LRRC32: variants seen among roughly 807,000 people sequenced by gnomAD.
LRRC32 encodes the protein leucine rich repeat containing 32.
Under a neutral mutation model 15.0 loss-of-function variants are expected in LRRC32, and 5 were observed. The observed-to-expected ratio is 0.33, with a 90% confidence interval of 0.17 to 0.70. The LOEUF (loss-of-function observed/expected upper bound fraction) is 0.70. Ranked by LOEUF, LRRC32 falls within the 30% of genes least tolerant of loss-of-function variation. The probability of loss-of-function intolerance (pLI) is 0.66; values close to 1 mark genes in which losing one functional copy is unlikely to be tolerated. For synonymous variants in LRRC32, 391 were observed against 403.9 expected (o/e 0.97, Z 0.38); for missense variants, 803 against 854.2 (o/e 0.94, Z 0.75).
chr11:76,660,409 C>T lies in LRRC32; in HGVS notation c.1184G>A (p.Gly395Asp), dbSNP rs767565773. Residue 395 changes from glycine (G) to aspartate (D), a missense_variant, in exon 3 of 3, where the codon GGC (glycine) becomes GAC (aspartate). Gly to Asp is a moderately conservative substitution (Grantham distance 94, BLOSUM62 -1). Transcript: ENST00000260061. ...LGSLRTLLLQ[G>D]NALRDLPPYT... ...TGGGGGCAGGTCCCGCAGGGCATTG[C>T]CCTGTAGGAGCAGCGTCCGCAGAGA... 3 of 1,613,528 alleles carry T rather than the reference C, an allele frequency of 1.9e-6. No homozygotes were observed. Among genetic ancestry groups the T allele is most frequent in the Non-Finnish European group, 2.5e-6 (3 of 1,179,824 alleles).
At chr11:76,666,738 C>T (rs981289974) in intron 1 of LRRC32, among the ~76,000 whole-genome samples, 1 of 152,254 alleles carries the variant, frequency 6.6e-6, no homozygotes, top group African/African-American at 2.4e-5. Context: ...GCTGGAGGCT[C>T]ACTCACTCCC....
Position 76,660,828 on chromosome 11 carries a change from C to T in LRRC32, c.765G>A (p.Leu255=). The T allele has an allele frequency of 3.1e-6, 5 of 1,614,106 alleles. No homozygotes were observed. Among genetic ancestry groups the T allele is most frequent in the South Asian group, 1.1e-5 (1 of 91,062 alleles). Residue 255 remains leucine (L), a synonymous_variant, in exon 3 of 3, where the codon CTG becomes CTA. Transcript: ENST00000260061. The part of the protein sequence containing the change: ...LTWLDLRENK[L]LHFPDLAALP... ...GCGCGGCCAGGTCGGGGAAATGGAG[C>T]AGTTTGTTCTCCCGCAGGTCAAGCC...
intron 2 of LRRC32, among the ~76,000 whole-genome samples, chr11:76,664,992 T>C (rs1952601039): frequency 6.6e-6 from 1 of 152,204 alleles, no homozygotes; most frequent in Admixed American, 6.5e-5. Context: ...CATAAGCTTC[T>C]TCGAGTCTCA....
chr11:76,666,113 G>A, intron 1 of LRRC32, 155 bp from the exon 2 acceptor site: 1 of 649,876 alleles, frequency 1.5e-6, no homozygotes, highest in Non-Finnish European at 2.7e-6. Context: ...CAGAGAGCCA[G>A]GTGGGAAATG....
chr11:76,665,009 A>G (rs2120087993), intron 2 of LRRC32, among the ~76,000 whole-genome samples: 1 of 152,328 alleles, frequency 6.6e-6, no homozygotes, highest in African/African-American at 2.4e-5. Context: ...CTCAGGTCCA[A>G]GAGGGGCTTC....
At chr11:76,666,633 C>A (rs1177663023) in intron 1 of LRRC32, among the ~76,000 whole-genome samples, 2 of 152,224 alleles carry the variant, frequency 1.3e-5, no homozygotes, top group Admixed American at 1.3e-4. Context: ...TGAAGCCACA[C>A]TCCGGCCTCC....
In LRRC32 at chr11:76,660,743, G is replaced by A; in HGVS notation, c.850C>T (p.Pro284Ser). Residue 284 changes from proline (P) to serine (S), a missense_variant, in exon 3 of 3, where the codon CCC (proline) becomes TCC (serine). Physicochemically the swap from Pro to Ser is moderately conservative, Grantham distance 74. Transcript: ENST00000260061. ...GCGTGGATGCCCTTGCTGTCCTGGG[G>A]TGGCCCTGTGGGGAGCCGGATGAGG... Reference protein sequence around the residue: ...NNLIRLPTGPPQDSKGIHAPS... With the variant: ...NNLIRLPTGPSQDSKGIHAPS... The A allele has an allele frequency of 6.2e-7, 1 of 1,614,174 alleles. No homozygotes were observed. The highest frequency in any genetic ancestry group is 8.5e-7 in the Non-Finnish European group (1 of 1,180,026).
intron 1 of LRRC32, among the ~76,000 whole-genome samples, chr11:76,669,251 G>C (rs1421851634): frequency 6.6e-6 from 1 of 152,214 alleles, no homozygotes; most frequent in African/African-American, 2.4e-5. Flanking sequence ...GGTGTGCTCA[G>C]TGGGGAGGCC....
At position 76,660,806 on chromosome 11, in the gene LRRC32, C is replaced by A. The variant is rs764886655; in HGVS notation, c.787G>T (p.Ala263Ser). The A allele has an allele frequency of 3.7e-6, 6 of 1,614,080 alleles. No homozygotes were observed. Among genetic ancestry groups the A allele is most frequent in the Non-Finnish European group, 5.1e-6 (6 of 1,180,018 alleles). ...NKLLHFPDLA[A>S]LPRLIYLNLS... Reference sequence around the variant, plus strand: ...TTCAGGTAGATGAGTCTCGGGAGCGCGGCCAGGTCGGGGAAATGGAGCAGT... The same window carrying A: ...TTCAGGTAGATGAGTCTCGGGAGCGAGGCCAGGTCGGGGAAATGGAGCAGT... The change falls in exon 3 of 3, where the codon GCG becomes TCG. Residue 263 changes from alanine (A) to serine (S), a missense_variant. Ala to Ser is a moderately conservative substitution (Grantham distance 99). Transcript: ENST00000260061.
At chr11:76,670,020 T>A (rs1404987157) in intron 1 of LRRC32, 3 of 152,300 alleles carry the variant, frequency 2.0e-5, no homozygotes, top group African/African-American at 7.2e-5. Flanking sequence ...AAGCAGTGAA[T>A]CACTAAGGGC....
intron 2 of LRRC32, chr11:76,663,886 C>T (rs1177612564): frequency 1.3e-5 from 2 of 152,282 alleles, no homozygotes; most frequent in East Asian, 3.8e-4. Flanking sequence ...TATTGTACCC[C>T]TAACGAAACT....
rs528611260 is a variant in LRRC32, at chr11:76,661,500, C to A, written c.93G>T (p.Lys31Asn). The stretch of plus-strand genomic sequence containing the variant: ...GGCCCAGAACCTGGCACGAGACCTT[C>A]TTGTCCACCTGGGGAGGGGTAGGGT... ...QDKVPCKMVD[K>N]KVSCQVLGLL... Residue 31 changes from lysine to asparagine, a missense_variant, in exon 3 of 3, where the codon AAG becomes AAT. By Grantham distance (94) the Lys-to-Asn change is moderately conservative. Coordinates refer to ENST00000260061, the MANE Select transcript of LRRC32 (RefSeq NM_001128922.2). The A allele has an allele frequency of 1.9e-6, 3 of 1,549,472 alleles. No individual in the cohort carries two copies. The highest frequency in any genetic ancestry group is 3.5e-5 in the Admixed American group (2 of 57,332).
chr11:76,668,490 C>T (rs1425661081), intron 1 of LRRC32, among the ~76,000 whole-genome samples: 2 of 152,170 alleles, frequency 1.3e-5, no homozygotes, highest in East Asian at 1.9e-4. Context: ...CCCATTTTCC[C>T]TTCCCTCACC....
chr11:76,668,927 T>A (rs2120115549), intron 1 of LRRC32, among the ~76,000 whole-genome samples: 1 of 152,334 alleles, frequency 6.6e-6, no homozygotes, highest in East Asian at 1.9e-4. Context: ...CTGTGGGCCC[T>A]CCTCAGTGGT....
Position 76,658,606 on chromosome 11 carries a change from G to A in LRRC32, c.*998C>T, listed in dbSNP as rs1307287012. The A allele has an allele frequency of 1.3e-5, 2 of 152,390 alleles. No homozygotes were observed. Among genetic ancestry groups the A allele is most frequent in the Non-Finnish European group, 2.9e-5 (2 of 68,076 alleles). The allele number at this position is 152,390 out of a possible 1,614,324, so 9.4% of individuals were successfully genotyped here. ...TATGGCATTAGTTAGCTGGGGCCCT[G>A]GAAGGAGATTTTCAGAACTTCAGTT... On this transcript the variant is annotated 3_prime_UTR_variant, in exon 3 of 3. Transcript: ENST00000260061.
rs986538387 is a variant in LRRC32 at position 76,660,683 on chromosome 11, C to T, written c.910G>A (p.Ala304Thr). ...CGGCCGCTGGCATTCCCGCTGGGGG[C>T]TGAGAGGGGCAGGGCTGACCAGCCC... ...SEGWSALPLS[A>T]PSGNASGRPL... Residue 304 changes from alanine (A) to threonine (T), a missense_variant, in exon 3 of 3, where the codon GCC becomes ACC. By Grantham distance (58) the Ala-to-Thr change is moderately conservative. Coordinates refer to ENST00000260061, the MANE Select transcript of LRRC32 (RefSeq NM_001128922.2). 1 of 1,613,956 alleles carries T rather than the reference C, an allele frequency of 6.2e-7. No individual in the cohort carries two copies. Among genetic ancestry groups the T allele is most frequent in the African/African-American group, 1.3e-5 (1 of 74,922 alleles).
intron 2 of LRRC32, 139 bp from the exon 3 acceptor site, chr11:76,661,647 C>A: frequency 7.2e-7 from 1 of 1,393,812 alleles, no homozygotes; most frequent in Non-Finnish European, 9.4e-7. Context: ...CTTTCCCCCA[C>A]CGCAGCCTGA....
rs759977793 is a variant in LRRC32, at chr11:76,661,031, T to C, written c.562A>G (p.Ile188Val). ...AGACCCTCGAAGGCGCCATCCTCGA[T>C]GTCCATCAGCACGTTGCTATGCAGG... ...LDLHSNVLMDIEDGAFEGLPR... is the reference protein window; with the variant it reads ...LDLHSNVLMDVEDGAFEGLPR... The change falls in exon 3 of 3, where the codon ATC becomes GTC. Residue 188 changes from isoleucine to valine, a missense_variant. Physicochemically the swap from Ile to Val is conservative, Grantham distance 29. Coordinates refer to ENST00000260061, the MANE Select transcript of LRRC32 (RefSeq NM_001128922.2). 62 of 1,614,082 alleles carry C rather than the reference T, an allele frequency of 3.8e-5. No homozygotes were observed. The highest frequency in any genetic ancestry group is 5.1e-5 in the Non-Finnish European group (60 of 1,180,016).
chr11:76,669,539 A>C (rs1483132344), intron 1 of LRRC32, among the ~76,000 whole-genome samples: 3 of 152,086 alleles, frequency 2.0e-5, no homozygotes, highest in Non-Finnish European at 2.9e-5. Flanking sequence ...CTATTGAGGA[A>C]ATTACTGTAA....
Sources: allele counts gnomAD v4.1 joint callset (sites outside exome capture counted in the v4.1 genomes callset), GRCh38; gene constraint gnomAD v4.1.1; transcripts MANE v1.5; gene names NCBI Gene and HGNC (gene_info 2026-07-23, HGNC 2026-07-21).